NDUFAF6: variants seen among roughly 807,000 people sequenced by gnomAD.
NDUFAF6 encodes NADH:ubiquinone oxidoreductase complex assembly factor 6, also known as NADH dehydrogenase (ubiquinone) complex I, assembly factor 6.
NDUFAF6 carries 45 observed loss-of-function variants against 40.8 expected under a neutral mutation model. That is an observed-to-expected ratio of 1.10 (90% CI 0.87 to 1.42). The LOEUF (loss-of-function observed/expected upper bound fraction) is 1.42. NDUFAF6 is among the 40% of genes most tolerant of loss of function. The pLI is 0.00. For synonymous variants in NDUFAF6, 185 were observed against 155.9 expected (o/e 1.19, Z -1.39); for missense variants, 435 against 418.5 (o/e 1.04, Z -0.34).
chr8:95,022,723 A>G (rs536240541), upstream of NDUFAF6, among the ~76,000 whole-genome samples: 1 of 152,348 alleles, frequency 6.6e-6, no homozygotes, highest in East Asian at 1.9e-4. Context: ...TGCAAAATCC[A>G]GAAGCCATAA....
chr8:95,014,358 G>A (rs556524242), intron 2 of NDUFAF6, among the ~76,000 whole-genome samples: 1 of 152,326 alleles, frequency 6.6e-6, no homozygotes, highest in South Asian at 2.1e-4. Flanking sequence ...TCCTCTGGTG[G>A]GAGAATGCTT....
chr8:95,056,748 C>T (rs1832208562), intron 8 of NDUFAF6, among the ~76,000 whole-genome samples: 1 of 151,640 alleles, frequency 6.6e-6, no homozygotes. Flanking sequence ...CTACTAAAAA[C>T]ACAAAAAATT....
chr8:95,082,408 A>C (rs966350450), intron 2 of NDUFAF6, among the ~76,000 whole-genome samples: 7 of 152,168 alleles, frequency 4.6e-5, no homozygotes, highest in African/African-American at 1.7e-4. Flanking sequence ...TGTGAGGAGT[A>C]AATAGAGAGG....
At chr8:95,089,480 G>T (rs985540630) in intron 2 of NDUFAF6, among the ~76,000 whole-genome samples, 2 of 149,968 alleles carry the variant, frequency 1.3e-5, no homozygotes, top group Non-Finnish European at 3.0e-5. Flanking sequence ...ATATATAAAA[G>T]GGAGAGGACA....
At chr8:95,101,737 T>G (rs1271732729) in intron 2 of NDUFAF6, among the ~76,000 whole-genome samples, 1 of 152,218 alleles carries the variant, frequency 6.6e-6, no homozygotes, top group Non-Finnish European at 1.5e-5. Context: ...ATTCCCCTTT[T>G]GTGGCTTCTG....
At chr8:95,055,006 C>T (rs757448682) in intron 8 of NDUFAF6, among the ~76,000 whole-genome samples, 1 of 152,142 alleles carries the variant, frequency 6.6e-6, no homozygotes, top group Non-Finnish European at 1.5e-5. Context: ...GAGAGTTTCA[C>T]AATCAATTTG....
At chr8:94,918,057 A>G (rs1290472919) in intron 1 of NDUFAF6, among the ~76,000 whole-genome samples, 1 of 152,124 alleles carries the variant, frequency 6.6e-6, no homozygotes. Context: ...AAGACTTTCT[A>G]ACTTGCTCTG....
At chr8:95,038,348 C>T (rs1175086351) in intron 3 of NDUFAF6, among the ~76,000 whole-genome samples, 1 of 151,520 alleles carries the variant, frequency 6.6e-6, no homozygotes, top group African/African-American at 2.4e-5. Flanking sequence ...TAATCCTAAC[C>T]AAAAAAATTT....
chr8:95,116,338 CTG>C (rs1810136267), exon 6 of NDUFAF6: 1 of 150,992 alleles, frequency 6.6e-6, no homozygotes, highest in South Asian at 2.1e-4. Flanking sequence ...TTACAAGTGA[CTG>C]TACTCGCTAC....
intron 1 of NDUFAF6, among the ~76,000 whole-genome samples, chr8:94,943,027 G>T (rs893576771): frequency 2.2e-4 from 34 of 152,246 alleles, no homozygotes; most frequent in African/African-American, 8.0e-4. Flanking sequence ...CCTGCAGAAA[G>T]TACAGGTTAG....
chr8:94,908,516 T>C (rs566659489), intron 1 of NDUFAF6, among the ~76,000 whole-genome samples: 1 of 152,126 alleles, frequency 6.6e-6, no homozygotes, highest in Admixed American at 6.6e-5. Flanking sequence ...ACTACAGGAA[T>C]GCACCCTCTT....
At chr8:95,032,460 A>AT (rs1380232352) in intron 2 of NDUFAF6, among the ~76,000 whole-genome samples, 1 of 152,228 alleles carries the variant, frequency 6.6e-6, no homozygotes, top group Non-Finnish European at 1.5e-5. Context: ...TTTTCAAAGC[A>AT]TTTTTTAAAT....
intron 2 of NDUFAF6, among the ~76,000 whole-genome samples, chr8:95,091,298 C>T (rs913628924): frequency 2.0e-5 from 3 of 151,864 alleles, no homozygotes; most frequent in Non-Finnish European, 4.4e-5. Context: ...TCTCACATGG[C>T]GGCAGGAAAA....
At chr8:94,940,220 T>C (rs1563731017) in intron 1 of NDUFAF6, 6 of 1,603,952 alleles carry the variant, frequency 3.7e-6, no homozygotes, top group Admixed American at 1.7e-5. Flanking sequence ...AGTGCAAGTA[T>C]CTAGATCGTA....
intron 5 of NDUFAF6, among the ~76,000 whole-genome samples, chr8:95,046,691 G>A (rs2131896496): frequency 6.6e-6 from 1 of 152,316 alleles, no homozygotes; most frequent in Non-Finnish European, 1.5e-5. Context: ...GCACAGAGGA[G>A]AAGAAATGGA....
downstream of NDUFAF6, among the ~76,000 whole-genome samples, chr8:95,061,675 A>G (rs1275141550): frequency 6.6e-6 from 1 of 152,242 alleles, no homozygotes; most frequent in African/African-American, 2.4e-5. Flanking sequence ...TTTATGGAAC[A>G]ATAAATAGAT....
chr8:95,034,373 C>G (rs1563809301), intron 2 of NDUFAF6, among the ~76,000 whole-genome samples: 1 of 152,184 alleles, frequency 6.6e-6, no homozygotes, highest in Non-Finnish European at 1.5e-5. Context: ...TTTATTTGAT[C>G]TACCATCTGG....
rs750690033 is a variant in NDUFAF6 at position 95,048,568 on chromosome 8, C to T, written c.816+10C>T. 7.5e-6 allele frequency: 12 copies of T among 1,589,488 alleles called. No homozygotes were observed. In the African/African-American group the frequency reaches 1.1e-4, roughly 14 times the overall value. On this transcript the variant is annotated intron_variant, in intron 7 of 8. Coordinates refer to ENST00000396124, the MANE Select transcript of NDUFAF6 (RefSeq NM_152416.4). Reference sequence around the variant, plus strand: ...CTTGCACCTAAAGCATGTAAGTCGGCTTTTTTTTGCCAAATCATTTAGGGA... The same window carrying T: ...CTTGCACCTAAAGCATGTAAGTCGGTTTTTTTTTGCCAAATCATTTAGGGA...
At chr8:95,082,862 G>A (rs902295285) in intron 2 of NDUFAF6, among the ~76,000 whole-genome samples, 8 of 152,056 alleles carry the variant, frequency 5.3e-5, no homozygotes, top group East Asian at 1.9e-4. Context: ...GGGTTTCACC[G>A]TTTTAGCCGG....
Sources: gnomAD v4.1 joint callset for allele counts (sites outside exome capture counted in the v4.1 genomes callset) on GRCh38, gnomAD v4.1.1 for gene constraint, MANE v1.5 for transcripts, NCBI Gene and HGNC (gene_info 2026-07-23, HGNC 2026-07-21) for gene names.